The following ADAP1 variants were observed in gnomAD, a reference collection of about 807,000 sequenced individuals.
The protein encoded by ADAP1 is arf-GAP with dual PH domain-containing protein 1.
A neutral mutation model predicts 54.9 loss-of-function variants in ADAP1; 31 were observed. The observed-to-expected ratio is 0.56, with a 90% CI of 0.42 to 0.76. The LOEUF (loss-of-function observed/expected upper bound fraction) is 0.76. ADAP1 is among the 30% of genes least tolerant of loss of function. The pLI is 0.00. For missense variants in ADAP1, 535 were observed against 512.4 expected (o/e 1.04, Z -0.42); for synonymous variants, 313 against 202.6 (o/e 1.55, Z -4.63).
At chr7:914,460 T>C (rs1283741931) in intron 4 of ADAP1, among the ~76,000 whole-genome samples, 1 of 152,180 alleles carries the variant, frequency 6.6e-6, no homozygotes, top group Non-Finnish European at 1.5e-5. Flanking sequence ...AACTGCCAAC[T>C]GGCGCTGGAG....
rs1378633056 is a variant in ADAP1 at position 905,297 on chromosome 7, AC to A, written c.389-126del. On this transcript the variant is annotated intron_variant, in intron 4 of 10. Transcript: ENST00000265846. ...CGGGGGACACGGACGGGGGACACGG[AC>A]AGGGGGAGACGGACGGGGAGAGGGG... is the stretch of plus-strand genomic sequence containing the variant. The A allele has an allele frequency of 6.5e-5, 17 of 262,200 alleles. 1 individual carries two copies. The African/African-American group carries it at 1.2e-3, about 18-fold the overall frequency. 16.2% of individuals were successfully genotyped at this position (262,200 alleles called of 1,614,324 possible).
chr7:935,346 C>G, intron 2 of ADAP1, 29 bp downstream of exon 2: 1 of 1,547,496 alleles, frequency 6.5e-7, no homozygotes, highest in Non-Finnish European at 8.7e-7. Context: ...GGGGACTGCG[C>G]GGGTCCCCCC....
rs536983182 is a variant in ADAP1, at chr7:938,750, C to T, written c.83-3245G>A. 2.3e-4 allele frequency among the ~76,000 whole-genome samples: 35 copies of T among 152,340 alleles called. No individual in the cohort carries two copies. Among genetic ancestry groups the T allele is most frequent in the South Asian group, 8.3e-4 (4 of 4,832 alleles). ...ACATGAGCCCAGCTGGGAACATCACCGCTCGGGGTGCAGTGGGGGGCCCTC... is the reference window on the plus strand; with the variant it reads ...ACATGAGCCCAGCTGGGAACATCACTGCTCGGGGTGCAGTGGGGGGCCCTC... On this transcript the variant is annotated intron_variant, in intron 1 of 10. Coordinates refer to ENST00000265846, the MANE Select transcript of ADAP1 (RefSeq NM_006869.4). This position sits in a 1 kb window ranked among gnomAD's most constrained non-coding sequence, Gnocchi z 4.4.
intron 1 of ADAP1, among the ~76,000 whole-genome samples, chr7:953,391 C>T (rs1847313726): frequency 6.6e-6 from 1 of 152,216 alleles, no homozygotes; most frequent in Admixed American, 6.5e-5. Flanking sequence ...CCCCTCCATC[C>T]CAGAGGGAAT....
rs147793309 is a variant in ADAP1, at chr7:916,274, T to C, written c.388+3694A>G. On this transcript the variant is annotated intron_variant, in intron 4 of 10. Transcript: ENST00000265846. The stretch of plus-strand genomic sequence containing the variant: ...AACCTAGAGACGCAGAACTAGGAGA[T>C]AGAGGTGCTGAAACCAGGTCCCAAC... 2.9e-3 allele frequency among the ~76,000 whole-genome samples: 436 copies of C among 152,222 alleles called. 2 individuals are homozygous for C. The highest frequency in any genetic ancestry group is 9.7e-3 in the African/African-American group (405 of 41,544).
In ADAP1 at chr7:938,158, GT is replaced by G. The variant is rs923017264; in HGVS notation, c.83-2654del. 6.6e-6 allele frequency among the ~76,000 whole-genome samples: 1 copy of G among 151,852 alleles called. No homozygotes were observed. Among genetic ancestry groups the G allele is most frequent in the Non-Finnish European group, 1.5e-5 (1 of 67,968 alleles). On this transcript the variant is annotated intron_variant, in intron 1 of 10. Transcript: ENST00000265846. This position sits in a 1 kb window ranked among gnomAD's most constrained non-coding sequence, Gnocchi z 4.4. ...ATCAGCCGTTGTTTGGTTTTGCGGG[GT>G]TTTTTTTGTCTTGTATTGTATTGTT...
At chr7:900,888 C>CGAAGGGCTGAA (rs370585752) in intron 6 of ADAP1, 5 of 594,594 alleles carry the variant, frequency 8.4e-6, no homozygotes, top group Admixed American at 2.2e-5. Context: ...GCCGAAGGGC[C>CGAAGGGCTGAA]GGGCCGGGCC....
In ADAP1 at chr7:938,563, T is replaced by TC. The variant is rs1562934610; in HGVS notation, c.83-3059dup. On this transcript the variant is annotated intron_variant, in intron 1 of 10. Coordinates refer to ENST00000265846, the MANE Select transcript of ADAP1 (RefSeq NM_006869.4). The surrounding 1 kb of genome is among the most constrained non-coding windows in gnomAD (Gnocchi z 4.4). ...AAGTCCCAGAAGAGAGAGACCTGAC[T>TC]CCCCCCGGGCTCCGTCTTCTCCCGA... 6.6e-6 allele frequency among the ~76,000 whole-genome samples: 1 copy of TC among 151,940 alleles called. No individual in the cohort carries two copies. The highest frequency in any genetic ancestry group is 6.6e-5 in the Admixed American group (1 of 15,246).
In ADAP1 at chr7:926,854, C is replaced by T. The variant is rs755810526; in HGVS notation, c.214-210G>A. 29 of 791,690 alleles carry T rather than the reference C, an allele frequency of 3.7e-5. No individual in the cohort carries two copies. Among genetic ancestry groups the T allele is most frequent in the African/African-American group, 5.4e-5 (3 of 55,332 alleles). 49.0% of individuals were successfully genotyped at this position (791,690 alleles called of 1,614,324 possible). Reference sequence around the variant, plus strand: ...TCCCCTGGGACAGGGAAGGAGCCAGCGTCCCTAACGACGGGGTCCCGGCAA... The same window carrying T: ...TCCCCTGGGACAGGGAAGGAGCCAGTGTCCCTAACGACGGGGTCCCGGCAA... On this transcript the variant is annotated intron_variant, in intron 2 of 10. Coordinates refer to ENST00000265846, the MANE Select transcript of ADAP1 (RefSeq NM_006869.4). The surrounding 1 kb of genome is among the most constrained non-coding windows in gnomAD (Gnocchi z 4.6).
chr7:944,523 G>C (rs1847090709), intron 1 of ADAP1, among the ~76,000 whole-genome samples: 1 of 151,836 alleles, frequency 6.6e-6, no homozygotes, highest in East Asian at 1.9e-4. Context: ...CAGAGTTCTG[G>C]GATTATAGGC....
intron 4 of ADAP1, among the ~76,000 whole-genome samples, chr7:908,960 A>T (rs547077474): frequency 1.3e-5 from 2 of 152,286 alleles, no homozygotes; most frequent in African/African-American, 4.8e-5. Flanking sequence ...CGGGCTCCCT[A>T]GGCCACAGGG....
At chr7:932,056 G>A (rs983654185) in intron 2 of ADAP1, among the ~76,000 whole-genome samples, 2 of 152,228 alleles carry the variant, frequency 1.3e-5, no homozygotes, top group East Asian at 3.8e-4. Context: ...CTGGGGGCCG[G>A]GGTGCAGGTG....
chr7:954,019 C>T (rs1360992038), intron 1 of ADAP1, among the ~76,000 whole-genome samples: 1 of 152,182 alleles, frequency 6.6e-6, no homozygotes, highest in Non-Finnish European at 1.5e-5. Flanking sequence ...CTCCGGCTGG[C>T]GGCCCGTTCC....
At chr7:902,477 A>ATGCCTGGGCGTGGTGGTGCGCACCT (rs1554270766) in intron 6 of ADAP1, among the ~76,000 whole-genome samples, 34 of 142,544 alleles carry the variant, frequency 2.4e-4, no homozygotes, top group Non-Finnish European at 4.4e-4. Flanking sequence ...AAAAAGAAAG[A>ATGCCTGGGCGTGGTGGTGCGCACCT]AAAGAAAGAA....
At chr7:905,018 G>T (rs113598521) in intron 5 of ADAP1, 42 bp downstream of exon 5, 2 of 1,569,952 alleles carry the variant, frequency 1.3e-6, no homozygotes, top group Non-Finnish European at 1.7e-6. Context: ...CCGGGATGCC[G>T]CCCTGGGACA....
At chr7:904,949 G>C in intron 5 of ADAP1, 111 bp downstream of exon 5, 3 of 804,122 alleles carry the variant, frequency 3.7e-6, no homozygotes, top group Admixed American at 4.1e-5. Flanking sequence ...CCATCGGGGG[G>C]GGCAGCAGGG....
chr7:937,066 T>TGCCCGGCCTCTGGGATTTGGGGGTCAC (rs1846783687), intron 1 of ADAP1, among the ~76,000 whole-genome samples: 6 of 133,952 alleles, frequency 4.5e-5, no homozygotes, highest in Non-Finnish European at 8.0e-5. Flanking sequence ...TTGGGGGTCA[T>TGCCCGGCCTCTGGGATTTGGGGGTCAC]GCCCGGCCTC....
intron 1 of ADAP1, among the ~76,000 whole-genome samples, chr7:947,507 TC>T (rs1301937980): frequency 1.3e-5 from 2 of 151,994 alleles, no homozygotes; most frequent in Non-Finnish European, 2.9e-5. Context: ...CGCAGGTCCC[TC>T]CCGTCTCCCT....
At chr7:936,801 C>G (rs1286332036) in intron 1 of ADAP1, among the ~76,000 whole-genome samples, 1 of 152,234 alleles carries the variant, frequency 6.6e-6, no homozygotes, top group Non-Finnish European at 1.5e-5. Flanking sequence ...CAAGCAGGTG[C>G]GGCTGTGGAC....
Sources: allele counts gnomAD v4.1 joint callset (sites outside exome capture counted in the v4.1 genomes callset), GRCh38; gene constraint gnomAD v4.1.1; non-coding constraint Gnocchi (gnomAD v3.1); transcripts MANE v1.5; gene names NCBI Gene and HGNC (gene_info 2026-07-23, HGNC 2026-07-21).